AKAP7: variants seen among roughly 807,000 people sequenced by gnomAD.
AKAP7 encodes the protein A kinase (PRKA) anchor protein 7.
AKAP7 carries 39 observed loss-of-function variants against 39.5 expected under a neutral mutation model. The observed-to-expected ratio is 0.99, with a 90% CI of 0.76 to 1.29. The LOEUF is 1.29. Ranked by LOEUF, AKAP7 falls within the 50% of genes most tolerant of loss-of-function variation. AKAP7 has a pLI of 0.00. For missense variants in AKAP7, 414 were observed against 407.7 expected, an observed-to-expected ratio of 1.02 and a Z score of -0.13; for synonymous variants, 140 against 139.1, an observed-to-expected ratio of 1.01 and a Z score of -0.05.
At chr6:131,215,753 C>T (rs1292016561) in intron 6 of AKAP7, among the ~76,000 whole-genome samples, 1 of 152,102 alleles carries the variant, frequency 6.6e-6, no homozygotes, top group Non-Finnish European at 1.5e-5. Flanking sequence ...GTTTCTTAAC[C>T]AATATAACAT....
intron 6 of AKAP7, among the ~76,000 whole-genome samples, chr6:131,205,700 A>G (rs1808030379): frequency 6.6e-6 from 1 of 152,208 alleles, no homozygotes; most frequent in Non-Finnish European, 1.5e-5. Context: ...GCAATTATGT[A>G]TCTTTCTAAC....
In AKAP7 at chr6:131,135,739, C is replaced by CGCGCCGCCCGCAT; in HGVS notation, c.-17_-5dup. 1 of 1,219,040 alleles carries CGCGCCGCCCGCAT rather than the reference C, an allele frequency of 8.2e-7. No individual in the cohort carries two copies. The highest frequency in any genetic ancestry group is 3.2e-4 in the Middle Eastern group (1 of 3,104). 75.5% of individuals were successfully genotyped at this position (1,219,040 alleles called of 1,614,324 possible). ...CCACCGCCGCTGCCGCCAGCCCAGACGCGCCGCCCGCATGCGCCGCGACCA... is the reference window on the plus strand; with the variant it reads ...CCACCGCCGCTGCCGCCAGCCCAGACGCGCCGCCCGCATGCGCCGCCCGCATGCGCCGCGACCA... On this transcript the variant is annotated 5_prime_UTR_variant, in exon 1 of 8. It adds an upstream start codon to the 5' untranslated region. Transcript: ENST00000431975.
intron 6 of AKAP7, among the ~76,000 whole-genome samples, chr6:131,207,630 C>T (rs909360122): frequency 6.6e-6 from 1 of 151,428 alleles, no homozygotes; most frequent in Non-Finnish European, 1.5e-5. Context: ...CAACTGCACC[C>T]AGCCACATAC....
In AKAP7 at chr6:131,156,589, A is replaced by G. The variant is rs140418910; in HGVS notation, c.152-3470A>G. The stretch of plus-strand genomic sequence containing the variant: ...CAGGAGTTCGAGGTTACAGTGAGCT[A>G]TGATTGCATCACTGCACTCCAGCCT... On this transcript the variant is annotated intron_variant, in intron 2 of 7. Coordinates refer to ENST00000431975, the MANE Select transcript of AKAP7 (RefSeq NM_016377.4). 9.9e-3 allele frequency among the ~76,000 whole-genome samples: 1,501 copies of G among 152,164 alleles called. 108 individuals are homozygous for G. In the East Asian group the frequency reaches 0.17, roughly 18 times the overall value.
At chr6:131,132,266 T>C (rs1325689469), upstream of AKAP7, among the ~76,000 whole-genome samples, 1 of 150,986 alleles carries the variant, frequency 6.6e-6, no homozygotes, top group Admixed American at 6.6e-5. Context: ...TGAGCCGAGA[T>C]TGCGCCACCG....
At chr6:131,191,810 C>T (rs1204173889) in intron 5 of AKAP7, among the ~76,000 whole-genome samples, 1 of 151,548 alleles carries the variant, frequency 6.6e-6, no homozygotes, top group Non-Finnish European at 1.5e-5. Context: ...GGCTTCATGG[C>T]CTTTCAGCCT....
intron 5 of AKAP7, among the ~76,000 whole-genome samples, chr6:131,194,856 C>G (rs1163235666): frequency 6.6e-6 from 1 of 152,088 alleles, no homozygotes; most frequent in Non-Finnish European, 1.5e-5. Flanking sequence ...CATATGCACT[C>G]CTGCTCTGTT....
At chr6:131,132,934 G>GT (rs1308049956), upstream of AKAP7, among the ~76,000 whole-genome samples, 1 of 152,206 alleles carries the variant, frequency 6.6e-6, no homozygotes, top group Non-Finnish European at 1.5e-5. Context: ...CAAGTATTTT[G>GT]TGGGGGGTAG....
intron 2 of AKAP7, among the ~76,000 whole-genome samples, chr6:131,159,706 T>C (rs1239376022): frequency 6.6e-6 from 1 of 152,264 alleles, no homozygotes; most frequent in African/African-American, 2.4e-5. Flanking sequence ...CTTAGTGTTA[T>C]GAACATTGTG....
intron 7 of AKAP7, among the ~76,000 whole-genome samples, chr6:131,260,649 G>GGTTT (rs980863524): frequency 8.6e-5 from 13 of 151,848 alleles, no homozygotes; most frequent in Admixed American, 6.6e-5. Context: ...TTAATGGGGT[G>GGTTT]GTTTGTTTTT....
intron 5 of AKAP7, among the ~76,000 whole-genome samples, chr6:131,181,429 C>T (rs908599724): frequency 6.6e-6 from 1 of 152,168 alleles, no homozygotes; most frequent in Non-Finnish European, 1.5e-5. Context: ...ATTGCTGTGC[C>T]TCAGTCCAAG....
chr6:131,161,935 G>A (rs1007563646), intron 3 of AKAP7, among the ~76,000 whole-genome samples: 3 of 152,144 alleles, frequency 2.0e-5, no homozygotes, highest in Non-Finnish European at 4.4e-5. Context: ...CACATGATTT[G>A]TGATTGGAAG....
intron 5 of AKAP7, among the ~76,000 whole-genome samples, chr6:131,183,742 A>T (rs1220595322): frequency 1.3e-5 from 2 of 152,078 alleles, no homozygotes; most frequent in Non-Finnish European, 2.9e-5. Context: ...CAGGAGGGTG[A>T]CCGAGAACAT....
chr6:131,135,372 C>T (rs893543213), upstream of AKAP7, among the ~76,000 whole-genome samples: 4 of 152,210 alleles, frequency 2.6e-5, no homozygotes, highest in African/African-American at 7.2e-5. Flanking sequence ...GCCGTGACGC[C>T]GCAGTCGCCG....
At chr6:131,268,256 GTCTTGGATGAACTAAGCT>G (rs1037033906) in intron 7 of AKAP7, among the ~76,000 whole-genome samples, 2 of 152,162 alleles carry the variant, frequency 1.3e-5, no homozygotes, top group African/African-American at 4.8e-5. Context: ...GGGGGTGGGT[GTCTTGGATGAACTAAGCT>G]TCCTAATTCG....
intron 7 of AKAP7, among the ~76,000 whole-genome samples, chr6:131,262,986 C>G (rs1281910682): frequency 6.6e-6 from 1 of 152,166 alleles, no homozygotes; most frequent in Non-Finnish European, 1.5e-5. Flanking sequence ...ACCAAAGGCT[C>G]AGACGTCAGG....
intron 7 of AKAP7, among the ~76,000 whole-genome samples, chr6:131,240,780 A>T (rs1811480331): frequency 6.6e-6 from 1 of 152,122 alleles, no homozygotes; most frequent in African/African-American, 2.4e-5. Context: ...GGTGGGAGTG[A>T]CCCAATTTTC....
At chr6:131,168,080 A>G (rs990330098) in intron 4 of AKAP7, among the ~76,000 whole-genome samples, 1 of 152,174 alleles carries the variant, frequency 6.6e-6, no homozygotes, top group Non-Finnish European at 1.5e-5. Context: ...AAATCTCGTA[A>G]TGTCCAATTC....
At chr6:131,187,119 T>A (rs1432605283) in intron 5 of AKAP7, among the ~76,000 whole-genome samples, 1 of 152,188 alleles carries the variant, frequency 6.6e-6, no homozygotes, top group African/African-American at 2.4e-5. Context: ...AGGTTCAATA[T>A]GAATTTTAGG....
Sources: allele counts gnomAD v4.1 joint callset (sites outside exome capture counted in the v4.1 genomes callset), GRCh38; gene constraint gnomAD v4.1.1; transcripts MANE v1.5; gene names NCBI Gene and HGNC (gene_info 2026-07-23, HGNC 2026-07-21).